Variants in CORO2B observed in about 807,000 individuals in gnomAD.
CORO2B encodes the protein coronin-2B.
CORO2B carries 26 observed loss-of-function variants against 58.8 expected under a neutral mutation model. The observed-to-expected ratio is 0.44, with a 90% CI of 0.32 to 0.61. The LOEUF is 0.61. Ranked by LOEUF, CORO2B falls within the 20% of genes least tolerant of loss-of-function variation. The probability of loss-of-function intolerance (pLI) is 0.04; values close to 1 mark genes in which losing one functional copy is unlikely to be tolerated. For missense variants in CORO2B, 460 were observed against 645.1 expected, an observed-to-expected ratio of 0.71 and a Z score of 3.11; for synonymous variants, 242 against 253.8, an observed-to-expected ratio of 0.95 and a Z score of 0.44.
chr15:68,656,329 C>T (rs976324323), intron 2 of CORO2B, among the ~76,000 whole-genome samples: 2 of 151,960 alleles, frequency 1.3e-5, no homozygotes, highest in Non-Finnish European at 2.9e-5. Context: ...TTGTCTCCCC[C>T]CTTTCCATTC....
intron 8 of CORO2B, among the ~76,000 whole-genome samples, chr15:68,718,173 T>TG (rs1436213587): frequency 6.6e-6 from 1 of 152,208 alleles, no homozygotes; most frequent in Non-Finnish European, 1.5e-5. Context: ...TGGGCACACA[T>TG]TGTTGGTTCT....
At chr15:68,684,609 C>T (rs1902902043) in intron 2 of CORO2B, among the ~76,000 whole-genome samples, 2 of 152,236 alleles carry the variant, frequency 1.3e-5, no homozygotes, top group Admixed American at 1.3e-4. Flanking sequence ...GAAGGACATC[C>T]ATGTTTAGGA....
chr15:68,713,222 T>C (rs1255938026), intron 5 of CORO2B, among the ~76,000 whole-genome samples: 1 of 152,172 alleles, frequency 6.6e-6, no homozygotes, highest in African/African-American at 2.4e-5. Flanking sequence ...CTCAGTTTCC[T>C]CACCCTCAAA....
At position 68,597,633 on chromosome 15, in the gene CORO2B, A is replaced by T. The variant is rs543413265; in HGVS notation, c.15+18356A>T. ...ATTTCTGTTTCCCCCCCATCAAAAA[A>T]AAAAAAATAAATAAATAAAAAATAA... On this transcript the variant is annotated intron_variant, in intron 1 of 11. Transcript: ENST00000261861. Among the ~76,000 whole-genome samples, 74 of 151,448 alleles carry T rather than the reference A, an allele frequency of 4.9e-4. 1 individual carries two copies. Among genetic ancestry groups the T allele is most frequent in the East Asian group, 3.3e-3 (17 of 5,186 alleles).
intron 1 of CORO2B, among the ~76,000 whole-genome samples, chr15:68,596,575 T>G (rs1191356326): frequency 6.6e-6 from 1 of 152,102 alleles, no homozygotes; most frequent in African/African-American, 2.4e-5. Flanking sequence ...GGCTGGCCTG[T>G]GCTAGCTGCT....
chr15:68,700,673 C>T (rs1392819981), intron 3 of CORO2B, among the ~76,000 whole-genome samples: 1 of 152,200 alleles, frequency 6.6e-6, no homozygotes, highest in East Asian at 1.9e-4. Context: ...GTGATGTCAC[C>T]TATTGTTGAA....
the CORO2B span, among the ~76,000 whole-genome samples, chr15:68,568,453 G>C: frequency 6.6e-6 from 1 of 152,144 alleles, no homozygotes; most frequent in South Asian, 2.1e-4. Context: ...GGTTGTCAGA[G>C]GGTAGAGAAG....
chr15:68,645,114 T>C lies in CORO2B; in HGVS notation c.16-46T>C. Reference sequence around the variant, plus strand: ...CCAAGAGCCCAGCCGAGGCCCTTCATGGCACAGGGCCCAGCCTGACCCTTG... The same window carrying C: ...CCAAGAGCCCAGCCGAGGCCCTTCACGGCACAGGGCCCAGCCTGACCCTTG... On this transcript the variant is annotated intron_variant, in intron 1 of 11. Coordinates refer to ENST00000261861, the MANE Select transcript of CORO2B (RefSeq NM_006091.5). The surrounding 1 kb of genome is among the most constrained non-coding windows in gnomAD (Gnocchi z 4.5). The C allele has an allele frequency of 6.3e-7, 1 of 1,590,904 alleles. No individual in the cohort carries two copies. Among genetic ancestry groups the C allele is most frequent in the South Asian group, 1.1e-5 (1 of 88,978 alleles).
chr15:68,710,977 C>T lies in CORO2B; in HGVS notation c.483+96C>T. 7.6e-7 allele frequency: 1 copy of T among 1,308,760 alleles called. No homozygotes were observed. The highest frequency in any genetic ancestry group is 1.0e-6 in the Non-Finnish European group (1 of 971,466). The allele number at this position is 1,308,760 out of a possible 1,614,324, so 81.1% of individuals were successfully genotyped here. On this transcript the variant is annotated intron_variant, in intron 4 of 11. Coordinates refer to ENST00000261861, the MANE Select transcript of CORO2B (RefSeq NM_006091.5). This position sits in a 1 kb window ranked among gnomAD's most constrained non-coding sequence, Gnocchi z 4.1. The stretch of plus-strand genomic sequence containing the variant: ...GAAGCACTGTTGCTTCCTAAGCAAC[C>T]AATATGGCCTCATCTGTTCATTTGC...
At chr15:68,628,707 A>G (rs75224639) in intron 1 of CORO2B, among the ~76,000 whole-genome samples, 3,380 of 152,312 alleles carry the variant, frequency 0.022, 46 homozygotes, top group Non-Finnish European at 0.036. Context: ...ATGGGGCCCC[A>G]AAAGGTAGAT....
intron 3 of CORO2B, among the ~76,000 whole-genome samples, chr15:68,704,027 T>C (rs1892722274): frequency 7.3e-6 from 1 of 136,640 alleles, no homozygotes; most frequent in East Asian, 2.2e-4. Context: ...AAACCCTTTC[T>C]CTACACACAC....
intron 3 of CORO2B, among the ~76,000 whole-genome samples, chr15:68,697,325 G>C (rs1892538990): frequency 6.6e-6 from 1 of 152,206 alleles, no homozygotes; most frequent in Admixed American, 6.5e-5. Flanking sequence ...TGAAAGAATG[G>C]ATAAGTAAAT....
At chr15:68,550,128 G>A in the CORO2B span, among the ~76,000 whole-genome samples, 1 of 152,042 alleles carries the variant, frequency 6.6e-6, no homozygotes. Flanking sequence ...TGGATGGAGC[G>A]TGCGGGGTCT....
chr15:68,725,277 G>A (rs1055751068), intron 11 of CORO2B, among the ~76,000 whole-genome samples: 9 of 152,236 alleles, frequency 5.9e-5, no homozygotes, highest in African/African-American at 2.2e-4. Context: ...GCTGAGGCAG[G>A]AGAATTGTTT....
In CORO2B at chr15:68,726,036, C is replaced by A. The variant is rs76832297; in HGVS notation, c.*62C>A. 9,946 of 1,596,596 alleles carry A rather than the reference C, an allele frequency of 6.2e-3. 194 individuals carry two copies. The highest frequency in any genetic ancestry group is 0.059 in the East Asian group (2,652 of 44,646). ...GTCGTTTCTACTCATCCCTTAACTT[C>A]TCCCTTACCAGTGACCCCAGAGACA... On this transcript the variant is annotated 3_prime_UTR_variant, in exon 12 of 12. Transcript: ENST00000261861.
At chr15:68,571,182 C>T in the CORO2B span, among the ~76,000 whole-genome samples, 1 of 152,124 alleles carries the variant, frequency 6.6e-6, no homozygotes, top group Non-Finnish European at 1.5e-5. Context: ...GAGGAATTTC[C>T]CTGTAACCTT....
At chr15:68,699,525 G>T (rs564699767) in intron 3 of CORO2B, among the ~76,000 whole-genome samples, 3 of 152,202 alleles carry the variant, frequency 2.0e-5, no homozygotes, top group East Asian at 1.9e-4. Flanking sequence ...GGCTGGCCTG[G>T]GCTGCTGATC....
intron 2 of CORO2B, among the ~76,000 whole-genome samples, chr15:68,683,270 G>A (rs1429592671): frequency 6.6e-6 from 1 of 152,136 alleles, no homozygotes; most frequent in Non-Finnish European, 1.5e-5. Flanking sequence ...GAAGGACGAA[G>A]GCCTGTTTGG....
chr15:68,622,073 C>G (rs540604690), intron 1 of CORO2B, among the ~76,000 whole-genome samples: 1 of 152,152 alleles, frequency 6.6e-6, no homozygotes, highest in Non-Finnish European at 1.5e-5. Context: ...ACTATTTGAC[C>G]TTCTGAGTCT....
Sources: allele counts gnomAD v4.1 joint callset (sites outside exome capture counted in the v4.1 genomes callset), GRCh38; gene constraint gnomAD v4.1.1; non-coding constraint Gnocchi (gnomAD v3.1); transcripts MANE v1.5; gene names NCBI Gene and HGNC (gene_info 2026-07-23, HGNC 2026-07-21).